Variants in MAPKAP1 observed in about 807,000 individuals in gnomAD.
MAPKAP1 encodes MAPK associated protein 1.
A neutral mutation model predicts 65.7 loss-of-function variants in MAPKAP1; 20 were observed. That is an observed-to-expected ratio of 0.30 (90% CI 0.21 to 0.44). The LOEUF is 0.44. Ranked by LOEUF, MAPKAP1 falls within the 20% of genes least tolerant of loss-of-function variation. The probability of loss-of-function intolerance (pLI) is 1.00; values close to 1 mark genes in which losing one functional copy is unlikely to be tolerated. For synonymous variants in MAPKAP1, 222 were observed against 244.3 expected (o/e 0.91, Z 0.85); for missense variants, 423 against 648.0 (o/e 0.65, Z 3.77).
At chr9:125,576,851 C>T (rs1005938182) in intron 5 of MAPKAP1, among the ~76,000 whole-genome samples, 1 of 151,876 alleles carries the variant, frequency 6.6e-6, no homozygotes, top group Non-Finnish European at 1.5e-5. Flanking sequence ...AGTGCAGTGG[C>T]GTGATCTCGG....
chr9:125,695,585 A>G (rs1341393674), intron 1 of MAPKAP1, among the ~76,000 whole-genome samples: 1 of 152,236 alleles, frequency 6.6e-6, no homozygotes, highest in Non-Finnish European at 1.5e-5. Flanking sequence ...ATGCTCAAAT[A>G]CTTCGGTAAA....
chr9:125,590,147 A>G (rs1247792345), intron 4 of MAPKAP1, among the ~76,000 whole-genome samples: 2 of 152,324 alleles, frequency 1.3e-5, no homozygotes, highest in East Asian at 1.9e-4. Context: ...TAGGATTCAC[A>G]GTCTCTCAAG....
At chr9:125,694,386 CTG>C (rs1322978804) in intron 1 of MAPKAP1, among the ~76,000 whole-genome samples, 1 of 151,812 alleles carries the variant, frequency 6.6e-6, no homozygotes, top group African/African-American at 2.4e-5. Flanking sequence ...TTCTTCATAA[CTG>C]TAGGGAAAAA....
chr9:125,684,283 A>G (rs907708078), intron 1 of MAPKAP1, among the ~76,000 whole-genome samples: 1 of 152,188 alleles, frequency 6.6e-6, no homozygotes, highest in Admixed American at 6.5e-5. Flanking sequence ...TAAGCAATCA[A>G]TATCTGGAGA....
intron 4 of MAPKAP1, among the ~76,000 whole-genome samples, chr9:125,623,842 C>T (rs1832995633): frequency 4.7e-4 from 13 of 27,486 alleles, no homozygotes; most frequent in African/African-American, 8.5e-4. Context: ...GCCGCCCCGT[C>T]CGGGAGGTGA....
intron 1 of MAPKAP1, among the ~76,000 whole-genome samples, chr9:125,691,934 T>C (rs7870398): frequency 0.09 from 13,674 of 152,162 alleles, 1,923 homozygotes; most frequent in African/African-American, 0.3. Context: ...AAATGGATCA[T>C]TTCCCACCTA....
chr9:125,615,538 C>CAA lies in MAPKAP1; in HGVS notation c.499-29813_499-29812dup, dbSNP rs58426049. Among the ~76,000 whole-genome samples the CAA allele has an allele frequency of 1.8e-3, 201 of 110,738 alleles. 1 individual carries two copies. Among genetic ancestry groups the CAA allele is most frequent in the African/African-American group, 7.1e-3 (182 of 25,662 alleles). The allele number at this position is 110,738 out of a possible 152,430, so 72.6% of individuals were successfully genotyped here. A position where few individuals can be genotyped will look rare whatever the true frequency, so the allele number is the denominator to read the frequency against. On this transcript the variant is annotated intron_variant, in intron 4 of 11. Coordinates refer to ENST00000265960, the MANE Select transcript of MAPKAP1 (RefSeq NM_001006617.3). ...CAAAACCCCACCTCTACTAAAAATACAAAAAAAAAAAAAAAAAAAAATCAG... is the reference window on the plus strand; with the variant it reads ...CAAAACCCCACCTCTACTAAAAATACAAAAAAAAAAAAAAAAAAAAAAATCAG...
At chr9:125,577,629 C>CT (rs1831473533) in intron 5 of MAPKAP1, among the ~76,000 whole-genome samples, 2 of 33,836 alleles carry the variant, frequency 5.9e-5, no homozygotes, top group Non-Finnish European at 1.1e-4. Flanking sequence ...GTCAGCCCCC[C>CT]GCCCGGCCAG....
At chr9:125,649,849 A>T (rs1833843369) in intron 4 of MAPKAP1, among the ~76,000 whole-genome samples, 1 of 151,892 alleles carries the variant, frequency 6.6e-6, no homozygotes, top group South Asian at 2.1e-4. Context: ...TTTGAGAATT[A>T]GAACACCTGG....
chr9:125,527,765 T>C lies in MAPKAP1; in HGVS notation c.958+15294A>G, dbSNP rs115981425. 7.4e-3 allele frequency among the ~76,000 whole-genome samples: 1,126 copies of C among 152,310 alleles called. 19 individuals carry two copies. The highest frequency in any genetic ancestry group is 0.025 in the African/African-American group (1,048 of 41,556). ...ATGTTTAAAATGTCTGCTTTTGGTA[T>C]ACTCCTCTGGCTCCCCAAGGACTCA... On this transcript the variant is annotated intron_variant, in intron 7 of 11. Transcript: ENST00000265960.
intron 11 of MAPKAP1, among the ~76,000 whole-genome samples, chr9:125,442,688 C>T (rs529757516): frequency 1.1e-4 from 16 of 152,218 alleles, no homozygotes; most frequent in East Asian, 3.9e-4. Context: ...CAGGCAGGCC[C>T]GTGTCCCCAC....
At chr9:125,621,966 C>A (rs1398712677) in intron 4 of MAPKAP1, among the ~76,000 whole-genome samples, 1 of 152,134 alleles carries the variant, frequency 6.6e-6, no homozygotes, top group African/African-American at 2.4e-5. Flanking sequence ...AGAATGGAAG[C>A]CTGTCATCAT....
At chr9:125,553,445 GGCAGGAGCATC>G (rs557152650) in intron 6 of MAPKAP1, among the ~76,000 whole-genome samples, 38 of 152,234 alleles carry the variant, frequency 2.5e-4, no homozygotes, top group Middle Eastern at 3.4e-3. Flanking sequence ...GGGAGGCTGA[GGCAGGAGCATC>G]GCTTGAGTCT....
intron 5 of MAPKAP1, among the ~76,000 whole-genome samples, chr9:125,574,622 A>C (rs886573110): frequency 6.6e-6 from 1 of 152,250 alleles, no homozygotes; most frequent in African/African-American, 2.4e-5. Context: ...AAACACTGCC[A>C]AATACTGTCC....
chr9:125,522,667 T>C (rs1367715648), intron 7 of MAPKAP1, among the ~76,000 whole-genome samples: 1 of 152,144 alleles, frequency 6.6e-6, no homozygotes, highest in African/African-American at 2.4e-5. Context: ...CTTCACCCTA[T>C]TGTTAGAGTG....
At chr9:125,492,479 A>C (rs1468231211) in intron 8 of MAPKAP1, among the ~76,000 whole-genome samples, 1 of 152,246 alleles carries the variant, frequency 6.6e-6, no homozygotes, top group Non-Finnish European at 1.5e-5. Flanking sequence ...GATCAGACCA[A>C]GGCTAATTAT....
At chr9:125,689,434 C>CG (rs1176280079) in intron 1 of MAPKAP1, among the ~76,000 whole-genome samples, 114 of 61,642 alleles carry the variant, frequency 1.8e-3, no homozygotes, top group African/African-American at 4.1e-3. Context: ...GACTCCATCT[C>CG]GGAAAAAAAA....
At chr9:125,693,832 T>TACACACAC (rs1372798628) in intron 1 of MAPKAP1, among the ~76,000 whole-genome samples, 4 of 80,822 alleles carry the variant, frequency 4.9e-5, no homozygotes, top group African/African-American at 1.7e-4. Context: ...CACACACACA[T>TACACACAC]ATATATACAC....
intron 7 of MAPKAP1, among the ~76,000 whole-genome samples, chr9:125,514,148 G>A (rs1829391942): frequency 6.6e-6 from 1 of 152,128 alleles, no homozygotes; most frequent in African/African-American, 2.4e-5. Flanking sequence ...TTCTGCACGT[G>A]CCATTCCCTC....
Sources: gnomAD v4.1 joint callset for allele counts (sites outside exome capture counted in the v4.1 genomes callset) on GRCh38, gnomAD v4.1.1 for gene constraint, MANE v1.5 for transcripts, NCBI Gene and HGNC (gene_info 2026-07-23, HGNC 2026-07-21) for gene names.